BCAS3: variants seen among roughly 807,000 people sequenced by gnomAD.
BCAS3 encodes the protein BCAS3 microtubule associated cell migration factor.
Under a neutral mutation model 116.1 loss-of-function variants are expected in BCAS3, and 53 were observed. The ratio of observed to expected loss-of-function variants is 0.46; its 90% CI spans 0.37 to 0.57. The LOEUF (loss-of-function observed/expected upper bound fraction) is 0.57, where lower values mean the gene tolerates loss of function less well. Among genes scored for constraint, BCAS3 ranks in the 20% least tolerant of loss-of-function variants. BCAS3 has a pLI of 0.00. For synonymous variants in BCAS3, 391 were observed against 408.2 expected, an observed-to-expected ratio of 0.96 and a Z score of 0.51; for missense variants, 917 against 1,165.4, an observed-to-expected ratio of 0.79 and a Z score of 3.10.
intron 12 of BCAS3, among the ~76,000 whole-genome samples, chr17:60,919,075 G>A (rs1350563974): frequency 6.6e-6 from 1 of 152,016 alleles, no homozygotes; most frequent in Non-Finnish European, 1.5e-5. Context: ...CTATCTCTTT[G>A]GTGAATTTCT....
At chr17:60,927,509 T>G (rs1348321496) in intron 13 of BCAS3, among the ~76,000 whole-genome samples, 1 of 152,088 alleles carries the variant, frequency 6.6e-6, no homozygotes, top group Non-Finnish European at 1.5e-5. Flanking sequence ...CTTGCCTCGG[T>G]CTCCCAAAGT....
intron 7 of BCAS3, chr17:60,810,450 G>C (rs1000023990): frequency 1.6e-6 from 1 of 626,906 alleles, no homozygotes; most frequent in East Asian, 3.3e-5. Flanking sequence ...CCTCCTGCCT[G>C]GACAGAGCAA....
In BCAS3 at chr17:61,131,245, A is replaced by C. The variant is rs960458466; in HGVS notation, c.2425+46681A>C. Among the ~76,000 whole-genome samples the C allele has an allele frequency of 2.0e-5, 3 of 152,242 alleles. No homozygotes were observed. Among genetic ancestry groups the C allele is most frequent in the Admixed American group, 6.5e-5 (1 of 15,286 alleles). On this transcript the variant is annotated intron_variant, in intron 22 of 23. Transcript: ENST00000407086. The surrounding 1 kb of genome is among the most constrained non-coding windows in gnomAD (Gnocchi z 4.4). ...ATAATTCCATTTAAGTAAAATAACAAAAATAACACTCGTATCATAGACATT... is the reference window on the plus strand; with the variant it reads ...ATAATTCCATTTAAGTAAAATAACACAAATAACACTCGTATCATAGACATT...
intron 16 of BCAS3, among the ~76,000 whole-genome samples, chr17:61,025,136 G>T (rs1395086409): frequency 2.0e-5 from 3 of 151,990 alleles, no homozygotes; most frequent in Non-Finnish European, 4.4e-5. Context: ...ATTTCAGAAC[G>T]GGCTCACTAT....
intron 5 of BCAS3, among the ~76,000 whole-genome samples, chr17:60,729,484 G>A (rs2040245986): frequency 6.6e-6 from 1 of 151,962 alleles, no homozygotes. Flanking sequence ...CAGTATCTGG[G>A]AGTTACAGTT....
Position 61,012,095 on chromosome 17 carries a change from AC to A in BCAS3, c.1487-3655del, listed in dbSNP as rs1405273501. ...AAAACAATAATAAAAGTGACTCCTT[AC>A]TTTTTGTTCCTGAGTCATTTTTCAG... On this transcript the variant is annotated intron_variant, in intron 15 of 23. Transcript: ENST00000407086. The surrounding 1 kb of genome is among the most constrained non-coding windows in gnomAD (Gnocchi z 4.5). Among the ~76,000 whole-genome samples the A allele has an allele frequency of 5.3e-5, 8 of 151,790 alleles. No homozygotes were observed. The highest frequency in any genetic ancestry group is 2.6e-4 in the Admixed American group (4 of 15,222).
At chr17:60,889,242 T>C (rs1476832301) in intron 9 of BCAS3, among the ~76,000 whole-genome samples, 1 of 152,232 alleles carries the variant, frequency 6.6e-6, no homozygotes, top group African/African-American at 2.4e-5. Flanking sequence ...TGAGGTCAAA[T>C]ACTTGTTCTT....
intron 7 of BCAS3, among the ~76,000 whole-genome samples, chr17:60,815,053 A>G (rs1237168676): frequency 6.6e-6 from 1 of 152,234 alleles, no homozygotes; most frequent in African/African-American, 2.4e-5. Flanking sequence ...CCAAATGTCC[A>G]TCAATGATAG....
chr17:61,079,510 A>G (rs1017663762), intron 21 of BCAS3, among the ~76,000 whole-genome samples: 1 of 152,130 alleles, frequency 6.6e-6, no homozygotes, highest in Non-Finnish European at 1.5e-5. Flanking sequence ...CCGGCTGCCT[A>G]CTTGGGTCTG....
rs1486845704 is a variant in BCAS3 at position 61,285,253 on chromosome 17, G to GTGTGTGTT, written c.2426-83069_2426-83068insGTTTGTGT. ...AGGTTGTGTGTGTGTGTGTGTGTGT[G>GTGTGTGTT]TGTGTTTCTTGCTAAAATGCAGCAA... On this transcript the variant is annotated intron_variant, in intron 22 of 23. Coordinates refer to ENST00000407086, the MANE Select transcript of BCAS3 (RefSeq NM_017679.5). The surrounding 1 kb of genome is among the most constrained non-coding windows in gnomAD (Gnocchi z 5.4). 6.6e-6 allele frequency among the ~76,000 whole-genome samples: 1 copy of GTGTGTGTT among 152,066 alleles called. No homozygotes were observed. Among genetic ancestry groups the GTGTGTGTT allele is most frequent in the African/African-American group, 2.4e-5 (1 of 41,406 alleles).
rs2144511630 is a variant in BCAS3 at position 61,243,348 on chromosome 17, A to G, written c.2426-124979A>G. ...GAGTAATATTCCATTGTGTCTATAT[A>G]CTATATTTTCTTTATCCATTCATTC... On this transcript the variant is annotated intron_variant, in intron 22 of 23. Coordinates refer to ENST00000407086, the MANE Select transcript of BCAS3 (RefSeq NM_017679.5). This position sits in a 1 kb window ranked among gnomAD's most constrained non-coding sequence, Gnocchi z 5.6. Among the ~76,000 whole-genome samples, 1 of 152,280 alleles carries G rather than the reference A, an allele frequency of 6.6e-6. No individual in the cohort carries two copies. The highest frequency in any genetic ancestry group is 3.4e-3 in the Middle Eastern group (1 of 294).
intron 22 of BCAS3, among the ~76,000 whole-genome samples, chr17:61,237,578 C>G (rs879627514): frequency 2.0e-5 from 3 of 152,200 alleles, no homozygotes; most frequent in Non-Finnish European, 2.9e-5. Context: ...TAACACTCAC[C>G]TCGAAGGTCC....
At chr17:60,986,294 A>G (rs921360722) in intron 14 of BCAS3, among the ~76,000 whole-genome samples, 10 of 152,216 alleles carry the variant, frequency 6.6e-5, no homozygotes, top group Non-Finnish European at 1.5e-4. Flanking sequence ...TAATGCTGCA[A>G]TAAACATGGG....
At chr17:61,319,624 G>T (rs1222989501) in intron 22 of BCAS3, among the ~76,000 whole-genome samples, 1 of 150,602 alleles carries the variant, frequency 6.6e-6, no homozygotes, top group Admixed American at 6.6e-5. Context: ...ATCTAGGTCT[G>T]TTTAAGAGAT....
At chr17:61,185,909 T>A (rs1253732820) in intron 22 of BCAS3, among the ~76,000 whole-genome samples, 1 of 152,132 alleles carries the variant, frequency 6.6e-6, no homozygotes, top group African/African-American at 2.4e-5. Flanking sequence ...AAGCCTTCAT[T>A]TTTCCTCTTA....
At chr17:61,299,088 G>A (rs1032995732) in intron 22 of BCAS3, among the ~76,000 whole-genome samples, 1 of 151,968 alleles carries the variant, frequency 6.6e-6, no homozygotes, top group South Asian at 2.1e-4. Flanking sequence ...CTCCCAAAGT[G>A]CTGGGATTAC....
chr17:60,950,483 T>A (rs2060773463), intron 14 of BCAS3, among the ~76,000 whole-genome samples: 1 of 152,214 alleles, frequency 6.6e-6, no homozygotes, highest in Non-Finnish European at 1.5e-5. Context: ...TTGCTGGGTA[T>A]GTAATTGTGT....
intron 22 of BCAS3, among the ~76,000 whole-genome samples, chr17:61,155,880 T>C (rs2077807053): frequency 6.6e-6 from 1 of 152,196 alleles, no homozygotes; most frequent in African/African-American, 2.4e-5. Context: ...ACCCTCCTTC[T>C]TCCCTCTCCA....
rs1202865412 is a variant in BCAS3 at position 61,270,112 on chromosome 17, A to ATT, written c.2426-98191_2426-98190dup. On this transcript the variant is annotated intron_variant, in intron 22 of 23. Transcript: ENST00000407086. Reference sequence around the variant, plus strand: ...GAGCCACCAGGCATGGCCTTCTGCCATTTTTTTTTTTTTTTTTTTTTTTTT... The same window carrying ATT: ...GAGCCACCAGGCATGGCCTTCTGCCATTTTTTTTTTTTTTTTTTTTTTTTTTT... Among the ~76,000 whole-genome samples the ATT allele has an allele frequency of 9.3e-3, 641 of 68,754 alleles. 3 individuals are homozygous for ATT. Among genetic ancestry groups the ATT allele is most frequent in the Middle Eastern group, 0.015 (1 of 66 alleles). 45.1% of individuals were successfully genotyped at this position (68,754 alleles called of 152,430 possible).
Sources: allele counts gnomAD v4.1 joint callset (sites outside exome capture counted in the v4.1 genomes callset), GRCh38; gene constraint gnomAD v4.1.1; non-coding constraint Gnocchi (gnomAD v3.1); transcripts MANE v1.5; gene names NCBI Gene and HGNC (gene_info 2026-07-23, HGNC 2026-07-21).